The following ADGRL3 variants were observed in gnomAD, a reference collection of about 807,000 sequenced individuals.
The protein encoded by ADGRL3 is adhesion G protein-coupled receptor L3, also known as calcium-independent alpha-latrotoxin receptor 3.
Under a neutral mutation model 153.5 loss-of-function variants are expected in ADGRL3, and 62 were observed. The ratio of observed to expected loss-of-function variants is 0.40; its 90% CI spans 0.33 to 0.50. The LOEUF (loss-of-function observed/expected upper bound fraction) is 0.50. Among genes scored for constraint, ADGRL3 ranks in the 20% least tolerant of loss-of-function variants. The pLI, the probability that ADGRL3 is intolerant of heterozygous loss-of-function variation, is 0.47. For missense variants in ADGRL3, 1,641 were observed against 1,859.4 expected (o/e 0.88, Z 2.16); for synonymous variants, 710 against 672.5 (o/e 1.06, Z -0.86).
intron 4 of ADGRL3, among the ~76,000 whole-genome samples, chr4:61,532,513 T>C (rs1381043864): frequency 6.6e-6 from 1 of 150,580 alleles, no homozygotes; most frequent in African/African-American, 2.4e-5. Flanking sequence ...GTAAGTCTTG[T>C]TTCTGCAGGA....
At chr4:61,435,955 T>A (rs1038700546) in intron 2 of ADGRL3, among the ~76,000 whole-genome samples, 3 of 152,056 alleles carry the variant, frequency 2.0e-5, no homozygotes, top group East Asian at 1.9e-4. Context: ...ATTTTAAAAT[T>A]AAAAAAAATT....
At chr4:61,936,781 T>TACACACACACAC (rs71666904) in intron 15 of ADGRL3, among the ~76,000 whole-genome samples, 9,470 of 138,680 alleles carry the variant, frequency 0.068, 391 homozygotes, top group Middle Eastern at 0.081. Flanking sequence ...TACATATGCA[T>TACACACACACAC]ACACACACAC....
chr4:61,212,776 A>G (rs1306491782), intron 1 of ADGRL3, among the ~76,000 whole-genome samples: 3 of 152,240 alleles, frequency 2.0e-5, no homozygotes, highest in African/African-American at 4.8e-5. Context: ...TCTTATGTAC[A>G]ATGACCTTCC....
chr4:61,960,929 C>T (rs889579451), intron 17 of ADGRL3, among the ~76,000 whole-genome samples: 3 of 152,072 alleles, frequency 2.0e-5, no homozygotes, highest in Admixed American at 1.3e-4. Context: ...AGGAGGGTTT[C>T]GATCTCTTGA....
At chr4:61,685,632 G>C (rs550820516) in intron 6 of ADGRL3, among the ~76,000 whole-genome samples, 14 of 152,056 alleles carry the variant, frequency 9.2e-5, no homozygotes, top group African/African-American at 3.1e-4. Flanking sequence ...GCCTGTTCTC[G>C]TAAGTGGTAG....
intron 6 of ADGRL3, among the ~76,000 whole-genome samples, chr4:61,684,918 CT>C (rs1000620829): frequency 1.8e-3 from 259 of 145,648 alleles, no homozygotes; most frequent in East Asian, 2.8e-3. Flanking sequence ...ATTGTTAGCA[CT>C]TTTTTTTTTT....
intron 2 of ADGRL3, among the ~76,000 whole-genome samples, chr4:61,390,101 A>C (rs1167912223): frequency 6.6e-6 from 1 of 152,168 alleles, no homozygotes; most frequent in African/African-American, 2.4e-5. Context: ...AAATCTGTTA[A>C]AACTTATGTT....
chr4:61,979,781 C>T lies in ADGRL3; in HGVS notation c.3015+9C>T, dbSNP rs1470093823. 1.2e-6 allele frequency: 2 copies of T among 1,608,766 alleles called. No individual in the cohort carries two copies. Among genetic ancestry groups the T allele is most frequent in the African/African-American group, 1.3e-5 (1 of 74,814 alleles). On this transcript the variant is annotated intron_variant, in intron 18 of 26. Coordinates refer to ENST00000683033, the MANE Select transcript of ADGRL3 (RefSeq NM_001387552.1). The stretch of plus-strand genomic sequence containing the variant: ...ACCGAACTGACCAACCAGTAAGCAA[C>T]CTACATTGATACCAGTGAAGAATTT...
At chr4:61,364,331 CAAAA>C (rs33966342) in intron 1 of ADGRL3, among the ~76,000 whole-genome samples, 1 of 128,138 alleles carries the variant, frequency 7.8e-6, no homozygotes, top group African/African-American at 3.0e-5. Flanking sequence ...GACTCCGTCT[CAAAA>C]AAAAAAAAAA....
intron 17 of ADGRL3, 77 bp downstream of exon 17, chr4:61,948,353 G>T: frequency 9.7e-7 from 1 of 1,027,070 alleles, no homozygotes; most frequent in Non-Finnish European, 1.4e-6. Flanking sequence ...TAACTATATG[G>T]GCTATCATAT....
At chr4:61,294,935 A>G (rs959314398) in intron 1 of ADGRL3, among the ~76,000 whole-genome samples, 1 of 145,706 alleles carries the variant, frequency 6.9e-6, no homozygotes, top group African/African-American at 2.5e-5. Context: ...ACACACACAC[A>G]GTAGTCCCCA....
At chr4:61,994,206 G>A (rs1276935552) in intron 19 of ADGRL3, among the ~76,000 whole-genome samples, 4 of 152,128 alleles carry the variant, frequency 2.6e-5, no homozygotes, top group African/African-American at 9.7e-5. Context: ...GAAGTACAGT[G>A]CCGGGTTCAT....
At chr4:61,299,987 C>T (rs2094529735) in intron 1 of ADGRL3, among the ~76,000 whole-genome samples, 1 of 152,060 alleles carries the variant, frequency 6.6e-6, no homozygotes, top group African/African-American at 2.4e-5. Context: ...TATAGACAAG[C>T]CATAGCTGTA....
At chr4:61,453,861 T>C (rs2097703972) in intron 2 of ADGRL3, among the ~76,000 whole-genome samples, 1 of 152,080 alleles carries the variant, frequency 6.6e-6, no homozygotes. Context: ...TTAGAAACAT[T>C]ATAATAAGTA....
intron 1 of ADGRL3, among the ~76,000 whole-genome samples, chr4:61,378,490 C>G (rs2151859577): frequency 6.6e-6 from 1 of 152,054 alleles, no homozygotes; most frequent in African/African-American, 2.4e-5. Context: ...TGTGCAAAAA[C>G]AGTTGAGCCT....
chr4:61,630,490 G>A (rs563733438), intron 5 of ADGRL3, among the ~76,000 whole-genome samples: 9 of 152,322 alleles, frequency 5.9e-5, no homozygotes, highest in Middle Eastern at 3.4e-3. Context: ...TCTACATGCT[G>A]TTGGTTGTTG....
chr4:61,938,704 G>C (rs968048970), intron 15 of ADGRL3, among the ~76,000 whole-genome samples: 1 of 151,734 alleles, frequency 6.6e-6, no homozygotes, highest in Non-Finnish European at 1.5e-5. Context: ...GGTATCTGAG[G>C]CTTCTGCATC....
At chr4:61,491,961 A>G (rs1343392638) in intron 2 of ADGRL3, among the ~76,000 whole-genome samples, 7 of 152,164 alleles carry the variant, frequency 4.6e-5, no homozygotes, top group African/African-American at 1.7e-4. Context: ...ATAATTCTGA[A>G]TGCTCCTAAA....
rs374189152 is a variant in ADGRL3, at chr4:62,006,171, A to T, written c.3395+7906A>T. Among the ~76,000 whole-genome samples, 15 of 151,398 alleles carry T rather than the reference A, an allele frequency of 9.9e-5. No homozygotes were observed. In the East Asian group the frequency reaches 1.7e-3, roughly 18 times the overall value. On this transcript the variant is annotated intron_variant, in intron 21 of 26. Transcript: ENST00000683033. ...TGCCTCAGCCTCCCAAGTAGCCAGG[A>T]TTACATGCATGTGCCATCATGCCCG...
Sources: allele counts gnomAD v4.1 joint callset (sites outside exome capture counted in the v4.1 genomes callset), GRCh38; gene constraint gnomAD v4.1.1; transcripts MANE v1.5; gene names NCBI Gene and HGNC (gene_info 2026-07-23, HGNC 2026-07-21).